TYW1B: variants seen among roughly 807,000 people sequenced by gnomAD.
The protein encoded by TYW1B is tRNA-yW synthesizing protein 1 homolog B.
Under a neutral mutation model 86.9 loss-of-function variants are expected in TYW1B, and 73 were observed. The observed-to-expected ratio is 0.84, with a 90% CI of 0.70 to 1.02. The LOEUF (loss-of-function observed/expected upper bound fraction) is 1.02, where lower values mean the gene tolerates loss of function less well. TYW1B is among the 50% of genes least tolerant of loss of function. TYW1B has a pLI of 0.00. For missense variants in TYW1B, 637 were observed against 827.4 expected (o/e 0.77, Z 2.82); for synonymous variants, 248 against 292.8 (o/e 0.85, Z 1.56).
At chr7:72,691,000 G>A (rs35714719) in intron 11 of TYW1B, among the ~76,000 whole-genome samples, 2 of 152,228 alleles carry the variant, frequency 1.3e-5, no homozygotes, top group East Asian at 1.9e-4. Context: ...TGATCTGCCC[G>A]CCTCAGCCTC....
chr7:72,786,601 G>C (rs1465663024), intron 6 of TYW1B, among the ~76,000 whole-genome samples: 1 of 136,538 alleles, frequency 7.3e-6, no homozygotes, highest in African/African-American at 2.7e-5. Flanking sequence ...TTTGAGATAG[G>C]GTCTCGCTCT....
intron 11 of TYW1B, among the ~76,000 whole-genome samples, chr7:72,648,854 C>T (rs114135434): frequency 0.013 from 2,048 of 152,186 alleles, 55 homozygotes; most frequent in African/African-American, 0.047. Context: ...GCGCAAGATG[C>T]ACACAGAAGA....
intron 6 of TYW1B, among the ~76,000 whole-genome samples, chr7:72,790,281 A>T (rs1788198557): frequency 6.6e-6 from 1 of 151,910 alleles, no homozygotes; most frequent in Non-Finnish European, 1.5e-5. Flanking sequence ...AGCCCTTCAG[A>T]CTACATCTGA....
In TYW1B at chr7:72,703,009, T is replaced by G. The variant is rs1814513939; in HGVS notation, c.1371-8187A>C. On this transcript the variant is annotated intron_variant, in intron 10 of 13. Coordinates refer to ENST00000620995, the MANE Select transcript of TYW1B (RefSeq NM_001145440.3). Reference sequence around the variant, plus strand: ...ATCTATATATATATATATATATATATATATATATATATATATATTTTTTTT... The same window carrying G: ...ATCTATATATATATATATATATATAGATATATATATATATATATTTTTTTT... Among the ~76,000 whole-genome samples the G allele has an allele frequency of 7.9e-4, 24 of 30,344 alleles. 2 individuals carry two copies. The highest frequency in any genetic ancestry group is 1.5e-3 in the African/African-American group (14 of 9,440). The allele number at this position is 30,344 out of a possible 152,430, so 19.9% of individuals were successfully genotyped here.
intron 2 of TYW1B, among the ~76,000 whole-genome samples, chr7:72,820,777 G>C (rs1222004086): frequency 6.6e-6 from 1 of 152,148 alleles, no homozygotes; most frequent in African/African-American, 2.4e-5. Flanking sequence ...CAATGTGAGG[G>C]ATCAAATTTC....
intron 13 of TYW1B, among the ~76,000 whole-genome samples, chr7:72,605,360 T>TA (rs1251034555): frequency 2.6e-4 from 36 of 141,016 alleles, no homozygotes; most frequent in Non-Finnish European, 4.7e-4. Flanking sequence ...GTTTGTTTTG[T>TA]TTTTTTTTTT....
At chr7:72,803,861 G>A (rs1484713267) in intron 5 of TYW1B, among the ~76,000 whole-genome samples, 3 of 151,752 alleles carry the variant, frequency 2.0e-5, no homozygotes, top group East Asian at 2.0e-4. Context: ...TGATCCGCCC[G>A]CCTCAGCCTC....
intron 2 of TYW1B, among the ~76,000 whole-genome samples, chr7:72,818,250 T>G (rs1385761733): frequency 1.3e-5 from 2 of 151,846 alleles, no homozygotes; most frequent in African/African-American, 4.8e-5. Flanking sequence ...CCTCTTTTCT[T>G]TATAAATCAC....
In TYW1B at chr7:72,681,626, G is replaced by A. The variant is rs192211597; in HGVS notation, c.1506+13061C>T. ...TTTTTTTTTTTTGAGTTAGAGTCTC[G>A]CTCTGTCGCCCAGGCTGGAGTGCAG... is the stretch of plus-strand genomic sequence containing the variant. On this transcript the variant is annotated intron_variant, in intron 11 of 13. Transcript: ENST00000620995. Among the ~76,000 whole-genome samples, 10 of 128,764 alleles carry A rather than the reference G, an allele frequency of 7.8e-5. No homozygotes were observed. In the East Asian group the frequency reaches 1.6e-3, roughly 20 times the overall value. 84.5% of individuals were successfully genotyped at this position (128,764 alleles called of 152,430 possible).
chr7:72,747,711 G>C (rs1355271754), intron 7 of TYW1B, among the ~76,000 whole-genome samples: 2 of 152,170 alleles, frequency 1.3e-5, no homozygotes, highest in Non-Finnish European at 2.9e-5. Context: ...TTCTACAAAA[G>C]TCTTATTGGT....
intron 7 of TYW1B, among the ~76,000 whole-genome samples, chr7:72,774,411 T>G (rs1585974084): frequency 6.8e-6 from 1 of 147,638 alleles, no homozygotes; most frequent in African/African-American, 2.5e-5. Context: ...CTTAAAACTG[T>G]TTATAAGAGT....
At chr7:72,773,404 C>T (rs1787899531) in intron 7 of TYW1B, among the ~76,000 whole-genome samples, 2 of 152,296 alleles carry the variant, frequency 1.3e-5, no homozygotes, top group South Asian at 4.1e-4. Context: ...AGATGGTGAT[C>T]CCATAGAGAT....
intron 7 of TYW1B, among the ~76,000 whole-genome samples, chr7:72,752,019 T>A (rs1563082092): frequency 6.6e-6 from 1 of 152,194 alleles, no homozygotes; most frequent in Admixed American, 6.5e-5. Flanking sequence ...TGGCAGCTTG[T>A]CTGGCTTATG....
chr7:72,693,274 C>T (rs530872428), intron 11 of TYW1B, among the ~76,000 whole-genome samples: 6 of 152,184 alleles, frequency 3.9e-5, no homozygotes, highest in Non-Finnish European at 8.8e-5. Flanking sequence ...TATGAAAACA[C>T]ACAAGAAAGG....
At chr7:72,659,784 C>T (rs1406675170) in intron 11 of TYW1B, among the ~76,000 whole-genome samples, 1 of 151,958 alleles carries the variant, frequency 6.6e-6, no homozygotes, top group Non-Finnish European at 1.5e-5. Flanking sequence ...CTTCTAAAAC[C>T]CCCAAAGGAG....
At chr7:72,793,553 T>C (rs1788255907) in intron 6 of TYW1B, among the ~76,000 whole-genome samples, 1 of 151,980 alleles carries the variant, frequency 6.6e-6, no homozygotes, top group Admixed American at 6.6e-5. Context: ...AAGACCAGCC[T>C]GGCCAAGATG....
intron 7 of TYW1B, among the ~76,000 whole-genome samples, chr7:72,773,782 G>T (rs1290838430): frequency 3.9e-5 from 6 of 152,108 alleles, no homozygotes; most frequent in African/African-American, 1.4e-4. Context: ...ATCCCAAATG[G>T]GATGGGCATG....
chr7:72,734,269 A>AAAAAAAAAAAAAAAC (rs1554255459), intron 8 of TYW1B, among the ~76,000 whole-genome samples: 77 of 51,684 alleles, frequency 1.5e-3, no homozygotes, highest in African/African-American at 4.1e-3. Context: ...AAAAAAAAAA[A>AAAAAAAAAAAAAAAC]CACAACAAAA....
Position 72,796,424 on chromosome 7 carries a change from C to T in TYW1B, c.846+5976G>A, listed in dbSNP as rs1788305908. On this transcript the variant is annotated intron_variant, in intron 6 of 13. Coordinates refer to ENST00000620995, the MANE Select transcript of TYW1B (RefSeq NM_001145440.3). ...ACGCCCAGCTAATTTTTAGTCGAGA[C>T]AGGGTTTCACCATGTTGGCCAGGTT... Among the ~76,000 whole-genome samples the T allele has an allele frequency of 2.2e-5, 3 of 135,766 alleles. No homozygotes were observed. In the South Asian group the frequency reaches 7.6e-4, roughly 35 times the overall value. The allele number at this position is 135,766 out of a possible 152,430, so 89.1% of individuals were successfully genotyped here.
Sources: gnomAD v4.1 joint callset for allele counts (sites outside exome capture counted in the v4.1 genomes callset) on GRCh38, gnomAD v4.1.1 for gene constraint, MANE v1.5 for transcripts, NCBI Gene and HGNC (gene_info 2026-07-23, HGNC 2026-07-21) for gene names.